UNC5D: variants seen among roughly 807,000 people sequenced by gnomAD.
The protein encoded by UNC5D is netrin receptor UNC5D.
Under a neutral mutation model 105.4 loss-of-function variants are expected in UNC5D, and 39 were observed. The ratio of observed to expected loss-of-function variants is 0.37; its 90% CI spans 0.29 to 0.48. UNC5D has a LOEUF of 0.48. Among genes scored for constraint, UNC5D ranks in the 20% least tolerant of loss-of-function variants. The pLI is 0.98. For missense variants in UNC5D, 991 were observed against 1,202.4 expected (o/e 0.82, Z 2.60); for synonymous variants, 452 against 450.4 (o/e 1.00, Z -0.04).
chr8:35,650,017 A>G (rs985266328), intron 4 of UNC5D, among the ~76,000 whole-genome samples: 4 of 152,214 alleles, frequency 2.6e-5, no homozygotes, highest in African/African-American at 7.2e-5. Flanking sequence ...ATATGTTAAC[A>G]TCAGTGGAAA....
At chr8:35,566,350 C>T (rs1817335632) in intron 2 of UNC5D, among the ~76,000 whole-genome samples, 1 of 151,992 alleles carries the variant, frequency 6.6e-6, no homozygotes, top group South Asian at 2.1e-4. Flanking sequence ...ATCCTGAAAC[C>T]AAGATATAAT....
At chr8:35,646,217 A>G (rs1823040892) in intron 4 of UNC5D, among the ~76,000 whole-genome samples, 1 of 152,140 alleles carries the variant, frequency 6.6e-6, no homozygotes. Context: ...TTCAGCTTGC[A>G]GATTACTAGG....
chr8:35,331,246 A>G (rs373428293), intron 1 of UNC5D, among the ~76,000 whole-genome samples: 7 of 152,198 alleles, frequency 4.6e-5, no homozygotes, highest in African/African-American at 1.2e-4. Flanking sequence ...GCTTGCTTGA[A>G]GTCCAGTGGT....
rs201297241 is a variant in UNC5D, at chr8:35,652,608, G to GTT, written c.571-30929_571-30928dup. Among the ~76,000 whole-genome samples the GTT allele has an allele frequency of 4.9e-4, 72 of 145,810 alleles. 1 individual carries two copies. The highest frequency in any genetic ancestry group is 1.7e-3 in the African/African-American group (68 of 39,952). ...TTTCCCCAGAGAGAAATTATTATGA[G>GTT]TTTTTTTTTTTCATTTTGTTAGTTT... is the stretch of plus-strand genomic sequence containing the variant. On this transcript the variant is annotated intron_variant, in intron 4 of 16. Coordinates refer to ENST00000404895, the MANE Select transcript of UNC5D (RefSeq NM_080872.4).
In UNC5D at chr8:35,740,576, G is replaced by T. The variant is rs147502349; in HGVS notation, c.1767-7951G>T. On this transcript the variant is annotated intron_variant, in intron 11 of 16. Transcript: ENST00000404895. ...GGAAGCTAATACAAGCCTCTATTTT[G>T]ACCCCTCTGTGTACCTCAGGGCCCT... 1.2e-4 allele frequency among the ~76,000 whole-genome samples: 19 copies of T among 152,252 alleles called. No homozygotes were observed. In the South Asian group the frequency reaches 3.5e-3, roughly 28 times the overall value.
intron 2 of UNC5D, among the ~76,000 whole-genome samples, chr8:35,550,572 G>C (rs1026092752): frequency 2.0e-5 from 3 of 152,122 alleles, no homozygotes; most frequent in African/African-American, 7.2e-5. Context: ...ATATAACAAG[G>C]TAGGCCTTTC....
At chr8:35,278,565 G>T (rs917460756) in intron 1 of UNC5D, among the ~76,000 whole-genome samples, 2 of 144,824 alleles carry the variant, frequency 1.4e-5, no homozygotes, top group Admixed American at 1.4e-4. Context: ...TTCTGTTGTT[G>T]CTAGGGATGT....
Position 35,595,447 on chromosome 8 carries a change from G to A in UNC5D, c.467-107G>A, listed in dbSNP as rs989553658. 2.0e-4 allele frequency: 160 copies of A among 817,586 alleles called. No homozygotes were observed. In the Admixed American group the frequency reaches 3.1e-3, roughly 16 times the overall value. The allele number at this position is 817,586 out of a possible 1,614,324, so 50.6% of individuals were successfully genotyped here. A position where few individuals can be genotyped will look rare whatever the true frequency, so the allele number is the denominator to read the frequency against. On this transcript the variant is annotated intron_variant, in intron 3 of 16. Transcript: ENST00000404895. ...TGGAACAAGTGACTTATTTTTGTGT[G>A]TGTGTGTCTAGGTTGTGATATTAAG...
intron 1 of UNC5D, among the ~76,000 whole-genome samples, chr8:35,354,285 T>C (rs896290810): frequency 1.3e-5 from 2 of 152,136 alleles, no homozygotes; most frequent in Non-Finnish European, 1.5e-5. Context: ...TCTTGCTTTG[T>C]TCTTTTGATA....
chr8:35,292,692 T>C (rs547768788), intron 1 of UNC5D, among the ~76,000 whole-genome samples: 4 of 151,694 alleles, frequency 2.6e-5, no homozygotes, highest in African/African-American at 9.7e-5. Context: ...TTTTGCTATA[T>C]GCTGTAGTCC....
intron 1 of UNC5D, among the ~76,000 whole-genome samples, chr8:35,365,827 T>G (rs1048410256): frequency 1.3e-5 from 2 of 152,084 alleles, no homozygotes; most frequent in South Asian, 2.1e-4. Context: ...TGAGTGCATC[T>G]TATTAAGAAA....
At chr8:35,718,217 A>G (rs1828364688) in intron 8 of UNC5D, among the ~76,000 whole-genome samples, 2 of 152,172 alleles carry the variant, frequency 1.3e-5, no homozygotes, top group Admixed American at 1.3e-4. Context: ...GGGATGAAGA[A>G]AACAGGAAAG....
intron 13 of UNC5D, among the ~76,000 whole-genome samples, chr8:35,754,909 C>G (rs996042268): frequency 6.6e-6 from 1 of 152,132 alleles, no homozygotes; most frequent in Non-Finnish European, 1.5e-5. Flanking sequence ...AAAATTAAAT[C>G]TGCTATGTTT....
At chr8:35,507,704 A>G (rs1449773527) in intron 1 of UNC5D, among the ~76,000 whole-genome samples, 1 of 152,182 alleles carries the variant, frequency 6.6e-6, no homozygotes, top group Non-Finnish European at 1.5e-5. Context: ...TGATAGCACA[A>G]TAGTAACTAT....
chr8:35,595,441 T>TTG (rs1358668037), intron 3 of UNC5D, 113 bp from the exon 4 acceptor site: 15 of 787,538 alleles, frequency 1.9e-5, no homozygotes, highest in African/African-American at 5.2e-5. Context: ...TGACTTATTT[T>TTG]TGTGTGTGTG....
At chr8:35,575,318 G>A (rs1198389533) in intron 3 of UNC5D, among the ~76,000 whole-genome samples, 2 of 152,150 alleles carry the variant, frequency 1.3e-5, no homozygotes, top group African/African-American at 4.8e-5. Context: ...AACCCTGCCA[G>A]TGTAGGATAT....
At chr8:35,671,929 T>G (rs571517913) in intron 4 of UNC5D, among the ~76,000 whole-genome samples, 2 of 152,182 alleles carry the variant, frequency 1.3e-5, no homozygotes, top group African/African-American at 2.4e-5. Flanking sequence ...TGGAACAAAT[T>G]TATAATTTAT....
intron 1 of UNC5D, among the ~76,000 whole-genome samples, chr8:35,519,739 C>A (rs960288867): frequency 6.6e-6 from 1 of 151,584 alleles, no homozygotes; most frequent in Non-Finnish European, 1.5e-5. Context: ...CATGCATTGA[C>A]AAAGGTGAAC....
intron 4 of UNC5D, among the ~76,000 whole-genome samples, chr8:35,596,445 T>C (rs1225180550): frequency 6.6e-6 from 1 of 152,206 alleles, no homozygotes; most frequent in Non-Finnish European, 1.5e-5. Context: ...GAAAAGTTTA[T>C]AAATTTAGGC....
Sources: gnomAD v4.1 joint callset for allele counts (sites outside exome capture counted in the v4.1 genomes callset) on GRCh38, gnomAD v4.1.1 for gene constraint, MANE v1.5 for transcripts, NCBI Gene and HGNC (gene_info 2026-07-23, HGNC 2026-07-21) for gene names.